PCDHGA1: variants seen among roughly 807,000 people sequenced by gnomAD.
PCDHGA1 encodes protocadherin gamma subfamily A, 1.
PCDHGA1 carries 32 observed loss-of-function variants against 58.0 expected under a neutral mutation model. The observed-to-expected ratio is 0.55, with a 90% confidence interval of 0.42 to 0.74. The LOEUF (loss-of-function observed/expected upper bound fraction) is 0.74. Among genes scored for constraint, PCDHGA1 ranks in the 30% least tolerant of loss-of-function variants. PCDHGA1 has a pLI of 0.00. For synonymous variants in PCDHGA1, 498 were observed against 501.1 expected, an observed-to-expected ratio of 0.99 and a Z score of 0.08; for missense variants, 1,205 against 1,182.3, an observed-to-expected ratio of 1.02 and a Z score of -0.28.
chr5:141,344,345 A>T (rs755984295), intron 1 of PCDHGA1: 1 of 1,613,958 alleles, frequency 6.2e-7, no homozygotes, highest in East Asian at 2.2e-5. Flanking sequence ...TGTGTCTGGT[A>T]AAAATTAACA....
At chr5:141,389,649 G>A in intron 1 of PCDHGA1, 2 of 1,612,716 alleles carry the variant, frequency 1.2e-6, no homozygotes, top group Non-Finnish European at 1.7e-6. Context: ...GGTGACCAAG[G>A]TAGTGGCGGT....
intron 1 of PCDHGA1, chr5:141,430,826 CT>C (rs765096486): frequency 1.3e-6 from 2 of 1,550,416 alleles, no homozygotes; most frequent in East Asian, 2.2e-5. Flanking sequence ...CCTGGGGACT[CT>C]GTGGGAGACC....
intron 1 of PCDHGA1, chr5:141,364,648 T>C (rs1199111606): frequency 6.2e-7 from 1 of 1,614,082 alleles, no homozygotes; most frequent in Non-Finnish European, 8.5e-7. Context: ...TGGTGAACTT[T>C]AACATCTTGG....
chr5:141,467,715 G>C (rs904101145), intron 1 of PCDHGA1, among the ~76,000 whole-genome samples: 1 of 152,022 alleles, frequency 6.6e-6, no homozygotes, highest in Non-Finnish European at 1.5e-5. Flanking sequence ...AGGCTGGAGT[G>C]TAGTGGCACA....
intron 1 of PCDHGA1, chr5:141,410,094 C>G: frequency 6.2e-7 from 1 of 1,612,646 alleles, no homozygotes; most frequent in Non-Finnish European, 8.5e-7. Context: ...ACGGCTCGAG[C>G]CTTAGGCGAC....
chr5:141,378,930 G>T (rs1588866145), intron 1 of PCDHGA1: 1 of 152,190 alleles, frequency 6.6e-6, no homozygotes, highest in East Asian at 1.9e-4. Flanking sequence ...GTAAGTTGAT[G>T]GCCCTGGAAT....
chr5:141,374,169 C>A, intron 1 of PCDHGA1: 1 of 1,613,236 alleles, frequency 6.2e-7, no homozygotes, highest in African/African-American at 1.3e-5. Context: ...GCCGCGGCAG[C>A]GCAGATCCGC....
At chr5:141,421,678 G>T in intron 1 of PCDHGA1, 3 of 1,613,892 alleles carry the variant, frequency 1.9e-6, no homozygotes, top group Non-Finnish European at 2.5e-6. Context: ...AATTCCTGGG[G>T]CGCGATTTGC....
At chr5:141,403,284 A>C in intron 1 of PCDHGA1, 1 of 1,613,912 alleles carries the variant, frequency 6.2e-7, no homozygotes. Flanking sequence ...GTCCTGGTTG[A>C]AGACAGAGTG....
intron 1 of PCDHGA1, chr5:141,351,727 C>G (rs771420474): frequency 6.2e-7 from 1 of 1,613,790 alleles, no homozygotes; most frequent in East Asian, 2.2e-5. Context: ...CTATTCTGGC[C>G]AGTGACCTGG....
chr5:141,480,250 A>T (rs2099515553), intron 1 of PCDHGA1, among the ~76,000 whole-genome samples: 2 of 151,988 alleles, frequency 1.3e-5, no homozygotes, highest in African/African-American at 4.8e-5. Context: ...CAAAAAAAAA[A>T]AAAAATGTGT....
rs367793525 is a variant in PCDHGA1, at chr5:141,352,460, G to C, written c.2421+19355G>C. On this transcript the variant is annotated intron_variant, in intron 1 of 3. Transcript: ENST00000517417. ...CGGTCTCTGCTCCAAGTCTGGGCCC[G>C]GGGTTCCTCCCAACCACAGCGAGGG... The C allele has an allele frequency of 5.9e-5, 95 of 1,613,896 alleles. No homozygotes were observed. The highest frequency in any genetic ancestry group is 2.3e-4 in the African/African-American group (17 of 74,932).
In PCDHGA1 at chr5:141,330,816, C is replaced by T; in HGVS notation, c.132C>T (p.Phe44=). ...CGGAAGAGACAGACAAAGGTTCCTT[C>T]GTAGGCAACATCGCCAAGGACCTAG... The part of the protein sequence containing the change: ...SVPEETDKGS[F]VGNIAKDLGL... Residue 44 remains phenylalanine, a synonymous_variant, in exon 1 of 4, where the codon TTC becomes TTT. Transcript: ENST00000517417. 7 of 1,614,204 alleles carry T rather than the reference C, an allele frequency of 4.3e-6. No individual in the cohort carries two copies. The highest frequency in any genetic ancestry group is 5.9e-6 in the Non-Finnish European group (7 of 1,180,038).
Position 141,487,535 on chromosome 5 carries a change from G to A in PCDHGA1, c.2422-7272G>A. 6.2e-7 allele frequency: 1 copy of A among 1,614,154 alleles called. No individual in the cohort carries two copies. Among genetic ancestry groups the A allele is most frequent in the South Asian group, 1.1e-5 (1 of 91,084 alleles). ...CACTCGGAGTGATAGCTTCATGATG[G>A]TGAAGTCACCCAGTGCACCTATGGC... On this transcript the variant is annotated intron_variant, in intron 1 of 3. Transcript: ENST00000517417. This position sits in a 1 kb window ranked among gnomAD's most constrained non-coding sequence, Gnocchi z 5.0.
intron 1 of PCDHGA1, chr5:141,362,723 G>T (rs1762653397): frequency 2.3e-6 from 2 of 865,892 alleles, no homozygotes; most frequent in Admixed American, 5.9e-5. Flanking sequence ...TCTCTGAAGT[G>T]TGAGATTTAT....
rs368163794 is a variant in PCDHGA1, at chr5:141,331,675, G to A, written c.991G>A (p.Val331Ile). 104 of 1,614,014 alleles carry A rather than the reference G, an allele frequency of 6.4e-5. No homozygotes were observed. Among genetic ancestry groups the A allele is most frequent in the Non-Finnish European group, 8.1e-5 (95 of 1,179,994 alleles). The part of the protein sequence containing the change: ...AQDGAGLMAK[V>I]KVLIKVLDVN... ...GGATGGTGCGGGGCTCATGGCTAAAGTTAAGGTACTGATCAAAGTTTTGGA... is the reference window on the plus strand; with the variant it reads ...GGATGGTGCGGGGCTCATGGCTAAAATTAAGGTACTGATCAAAGTTTTGGA... Residue 331 changes from valine to isoleucine, a missense_variant, in exon 1 of 4, where the codon GTT becomes ATT. Transcript: ENST00000517417.
intron 1 of PCDHGA1, chr5:141,387,776 A>G: frequency 6.9e-7 from 1 of 1,452,928 alleles, no homozygotes; most frequent in Non-Finnish European, 9.2e-7. Flanking sequence ...TTTTTCTTGA[A>G]CTGGAACTGC....
At chr5:141,382,207 A>G (rs1042631528) in intron 1 of PCDHGA1, among the ~76,000 whole-genome samples, 1 of 152,206 alleles carries the variant, frequency 6.6e-6, no homozygotes, top group Admixed American at 6.5e-5. Context: ...ATTTATTAAA[A>G]TAGGTCTATA....
intron 1 of PCDHGA1, chr5:141,440,034 A>T (rs995962283): frequency 6.5e-6 from 1 of 153,052 alleles, no homozygotes; most frequent in African/African-American, 2.4e-5. Context: ...AGTGTCGAGG[A>T]CATGCCCACT....
Sources: allele counts gnomAD v4.1 joint callset (sites outside exome capture counted in the v4.1 genomes callset), GRCh38; gene constraint gnomAD v4.1.1; non-coding constraint Gnocchi (gnomAD v3.1); transcripts MANE v1.5; gene names NCBI Gene and HGNC (gene_info 2026-07-23, HGNC 2026-07-21).